Variants in ASTL observed in about 807,000 individuals in gnomAD.
ASTL encodes the protein astacin-like metalloendopeptidase.
In ASTL, 27 loss-of-function variants were observed where a neutral mutation model predicts 36.7. That is an observed-to-expected ratio of 0.73 (90% CI 0.54 to 1.01). The LOEUF (loss-of-function observed/expected upper bound fraction) is 1.01. Among genes scored for constraint, ASTL ranks in the 50% least tolerant of loss-of-function variants. ASTL has a pLI of 0.00. For synonymous variants in ASTL, 222 were observed against 228.1 expected (o/e 0.97, Z 0.24); for missense variants, 524 against 572.8 (o/e 0.91, Z 0.87).
intron 1 of ASTL, chr2:96,137,902 AGGAGCTCCCTTAGGGGGACCAAAAG>A (rs1257189277): frequency 1.1e-5 from 6 of 563,630 alleles, no homozygotes; most frequent in Non-Finnish European, 1.9e-5. Context: ...ACCTCAGGGA[AGGAGCTCCCTTAGGGGGACCAAAAG>A]GGACCATGTG....
chr2:96,126,159 A>G (rs1682059962), intron 8 of ASTL, among the ~76,000 whole-genome samples: 1 of 152,234 alleles, frequency 6.6e-6, no homozygotes, highest in Non-Finnish European at 1.5e-5. Flanking sequence ...GAGTGACAAA[A>G]TTGGTCAGTT....
At chr2:96,134,669 C>A (rs1015640347) in intron 3 of ASTL, among the ~76,000 whole-genome samples, 5 of 152,204 alleles carry the variant, frequency 3.3e-5, no homozygotes, top group African/African-American at 4.8e-5. Context: ...GCCCTGCCCC[C>A]GGAGTTCCTG....
At chr2:96,130,962 A>G (rs1682166337) in intron 6 of ASTL, among the ~76,000 whole-genome samples, 2 of 152,164 alleles carry the variant, frequency 1.3e-5, no homozygotes, top group Non-Finnish European at 2.9e-5. Flanking sequence ...TCCCCGCCCC[A>G]CAACAGTTAA....
chr2:96,123,994 C>T lies in ASTL; in HGVS notation c.1152G>A (p.Glu384=). The change falls in exon 9 of 9, where the codon GAG becomes GAA. Residue 384 remains glutamate, a synonymous_variant. Transcript: ENST00000342380. ...PGAGAPGVAQ[E]QSWLAGVSTK... is the part of the protein sequence containing the mutation. ...TGGACACTCCGGCCAGCCAGGACTGCTCCTGAGCAACACCGGGGGCACCTG... is the reference window on the plus strand; with the variant it reads ...TGGACACTCCGGCCAGCCAGGACTGTTCCTGAGCAACACCGGGGGCACCTG... 2 of 1,614,056 alleles carry T rather than the reference C, an allele frequency of 1.2e-6. No individual in the cohort carries two copies. Among genetic ancestry groups the T allele is most frequent in the Non-Finnish European group, 8.5e-7 (1 of 1,179,990 alleles).
chr2:96,132,437 TG>T lies in ASTL; in HGVS notation c.637+102del. ...TTCCCCACAGGAAGCAGGCAGGTGATGGGGAGGATGGATAGCCTCACCCATG... is the reference window on the plus strand; with the variant it reads ...TTCCCCACAGGAAGCAGGCAGGTGATGGGAGGATGGATAGCCTCACCCATG... On this transcript the variant is annotated intron_variant, in intron 6 of 8. Coordinates refer to ENST00000342380, the MANE Select transcript of ASTL (RefSeq NM_001002036.4). This position sits in a 1 kb window ranked among gnomAD's most constrained non-coding sequence, Gnocchi z 5.4. The T allele has an allele frequency of 2.9e-6, 3 of 1,045,570 alleles. No individual in the cohort carries two copies. Among genetic ancestry groups the T allele is most frequent in the Non-Finnish European group, 4.1e-6 (3 of 732,102 alleles). 64.8% of individuals were successfully genotyped at this position (1,045,570 alleles called of 1,614,324 possible).
At chr2:96,133,780 C>G (rs984685501) in intron 4 of ASTL, 185 bp downstream of exon 4, 1 of 650,014 alleles carries the variant, frequency 1.5e-6, no homozygotes, top group Non-Finnish European at 2.8e-6. Context: ...GACATACCTT[C>G]CCATCAGATT....
chr2:96,135,345 A>G lies in ASTL; in HGVS notation c.243+6T>C, dbSNP rs745387575. ...CGCACCCACACACGTCAGTGTGTGC[A>G]CTCACCGGCCGGATGATGTCCCCCT... On this transcript the variant is annotated splice_donor_region_variant and intron_variant, in intron 3 of 8. Transcript: ENST00000342380. 5.0e-6 allele frequency: 8 copies of G among 1,613,520 alleles called. No homozygotes were observed. Among genetic ancestry groups the G allele is most frequent in the African/African-American group, 2.7e-5 (2 of 74,914 alleles).
Position 96,124,821 on chromosome 2 carries a change from C to T in ASTL, c.875-550G>A, listed in dbSNP as rs67677651. On this transcript the variant is annotated intron_variant, in intron 8 of 8. Transcript: ENST00000342380. The surrounding 1 kb of genome is among the most constrained non-coding windows in gnomAD (Gnocchi z 4.1). ...TCTCTGGCTGGCCCCAGCCCCTCAG[C>T]ACTGCCTCCCATCCCAGTTCCTCCT... Among the ~76,000 whole-genome samples the T allele has an allele frequency of 0.035, 5,285 of 152,270 alleles. 115 individuals are homozygous for T. The highest frequency in any genetic ancestry group is 0.054 in the Middle Eastern group (16 of 294).
chr2:96,130,238 T>TA, intron 6 of ASTL, 93 bp from the exon 7 acceptor site: 3 of 977,728 alleles, frequency 3.1e-6, no homozygotes. Flanking sequence ...TGGGAGCTCA[T>TA]AACTCACCCA....
chr2:96,130,876 T>G (rs1286855708), intron 6 of ASTL, among the ~76,000 whole-genome samples: 1 of 152,248 alleles, frequency 6.6e-6, no homozygotes, highest in Non-Finnish European at 1.5e-5. Context: ...ATAAGTAGTA[T>G]ATTCATTTGG....
In ASTL at chr2:96,134,007, TA is replaced by T. The variant is rs1268404512; in HGVS notation, c.294del (p.Ser99ValfsTer129). On this transcript the variant is annotated frameshift_variant, in exon 4 of 9. Transcript: ENST00000342380. LOFTEE classifies it high-confidence loss of function. Reference sequence around the variant, plus strand: ...AGGAAGGGGACCTCCACGACACCACTACCACCCATGGGCCATTTGTTGCTGG... The same window carrying T: ...AGGAAGGGGACCTCCACGACACCACTCCACCCATGGGCCATTTGTTGCTGG... ...SATSNKWPMG[G>X]SGVVEVPFLL... is the part of the protein sequence containing the mutation. The T allele has an allele frequency of 1.9e-6, 3 of 1,613,834 alleles. No individual in the cohort carries two copies. The African/African-American group carries it at 4.0e-5, about 22-fold the overall frequency.
At position 96,124,103 on chromosome 2, in the gene ASTL, G is replaced by T; in HGVS notation, c.1043C>A (p.Ser348Tyr). 1 of 1,606,636 alleles carries T rather than the reference G, an allele frequency of 6.2e-7. No homozygotes were observed. Among genetic ancestry groups the T allele is most frequent in the South Asian group, 1.1e-5 (1 of 90,558 alleles). The part of the protein sequence containing the change: ...GPGESPHGWE[S>Y]PALKKLSAEA... ...TGCACTGAGCTTTTTCAGGGCAGGGGACTCCCACCCATGTGGGCTCTCCCC... is the reference window on the plus strand; with the variant it reads ...TGCACTGAGCTTTTTCAGGGCAGGGTACTCCCACCCATGTGGGCTCTCCCC... The change falls in exon 9 of 9, where the codon TCC becomes TAC. Residue 348 changes from serine (S) to tyrosine (Y), a missense_variant. By Grantham distance (144) the Ser-to-Tyr change is moderately radical (BLOSUM62 -2). Transcript: ENST00000342380. The surrounding 1 kb of genome is among the most constrained non-coding windows in gnomAD (Gnocchi z 4.1).
chr2:96,130,771 G>T (rs1286836562), intron 6 of ASTL, among the ~76,000 whole-genome samples: 6 of 152,168 alleles, frequency 3.9e-5, no homozygotes, highest in Admixed American at 3.9e-4. Flanking sequence ...TGGAGCAAAT[G>T]AGCCCTCCAG....
At chr2:96,135,851 C>T (rs913807041) in intron 2 of ASTL, among the ~76,000 whole-genome samples, 1 of 152,204 alleles carries the variant, frequency 6.6e-6, no homozygotes, top group Non-Finnish European at 1.5e-5. Flanking sequence ...CCACGCAATC[C>T]AGTCCCAAGC....
intron 6 of ASTL, 47 bp from the exon 7 acceptor site, chr2:96,130,192 G>A (rs1573912597): frequency 1.4e-6 from 2 of 1,463,734 alleles, no homozygotes; most frequent in Non-Finnish European, 1.9e-6. Context: ...AAAGAGGGCA[G>A]GCAAGAAAGG....
chr2:96,129,907 C>T lies in ASTL; in HGVS notation c.791G>A (p.Arg264Gln), dbSNP rs772758672. 1.0e-5 allele frequency: 16 copies of T among 1,606,194 alleles called. No homozygotes were observed. The highest frequency in any genetic ancestry group is 2.2e-5 in the East Asian group (1 of 44,704). ...GATGTCCGAGGCACTCAGGTTCCATCGCTGGCCGATGTGGACACTGGGGGC... is the reference window on the plus strand; with the variant it reads ...GATGTCCGAGGCACTCAGGTTCCATTGCTGGCCGATGTGGACACTGGGGGC... Reference protein sequence around the residue: ...LWAPSVHIGQRWNLSASDITR... With the variant: ...LWAPSVHIGQQWNLSASDITR... The change falls in exon 8 of 9, where the codon CGA becomes CAA. Residue 264 changes from arginine to glutamine, a missense_variant. Physicochemically the swap from Arg to Gln is conservative, Grantham distance 43. Transcript: ENST00000342380.
At chr2:96,135,598 T>C (rs1476557961) in intron 2 of ASTL, among the ~76,000 whole-genome samples, 186 bp from the exon 3 acceptor site, 1 of 152,262 alleles carries the variant, frequency 6.6e-6, no homozygotes, top group Non-Finnish European at 1.5e-5. Context: ...GGGTGTTTAG[T>C]TAAGTCATTA....
In ASTL at chr2:96,134,005, A is replaced by C. The variant is rs142627630; in HGVS notation, c.297T>G (p.Ser99Arg). 2.5e-6 allele frequency: 4 copies of C among 1,613,928 alleles called. No homozygotes were observed. Among genetic ancestry groups the C allele is most frequent in the African/African-American group, 2.7e-5 (2 of 74,916 alleles). Residue 99 changes from serine to arginine, a missense_variant, in exon 4 of 9, where the codon AGT becomes AGG. Transcript: ENST00000342380. The part of the protein sequence containing the change: ...ATSNKWPMGG[S>R]GVVEVPFLLS... ...GCAGGAAGGGGACCTCCACGACACC[A>C]CTACCACCCATGGGCCATTTGTTGC...
At chr2:96,136,727 T>G (rs1573917329) in intron 2 of ASTL, among the ~76,000 whole-genome samples, 3 of 152,322 alleles carry the variant, frequency 2.0e-5, no homozygotes, top group African/African-American at 7.2e-5. Context: ...CAACCCTGAG[T>G]GCTTCAGCCC....
Sources: gnomAD v4.1 joint callset for allele counts (sites outside exome capture counted in the v4.1 genomes callset) on GRCh38, gnomAD v4.1.1 for gene constraint, Gnocchi (gnomAD v3.1) non-coding constraint, MANE v1.5 for transcripts, NCBI Gene and HGNC (gene_info 2026-07-23, HGNC 2026-07-21) for gene names.